HEATR5B: variants seen among roughly 807,000 people sequenced by gnomAD.
HEATR5B encodes the protein HEAT repeat containing 5B.
In HEATR5B, 156 loss-of-function variants were observed where a neutral mutation model predicts 224.1. The observed-to-expected ratio is 0.70, with a 90% confidence interval of 0.61 to 0.80. The LOEUF is 0.80. HEATR5B is among the 30% of genes least tolerant of loss of function. The probability of loss-of-function intolerance (pLI) is 0.00; values close to 1 mark genes in which losing one functional copy is unlikely to be tolerated. For missense variants in HEATR5B, 2,323 were observed against 2,535.5 expected (o/e 0.92, Z 1.80); for synonymous variants, 1,027 against 893.0 (o/e 1.15, Z -2.68).
chr2:37,047,035 C>CAAA (rs57343074), intron 18 of HEATR5B, among the ~76,000 whole-genome samples: 840 of 43,228 alleles, frequency 0.019, 3 homozygotes, highest in Middle Eastern at 0.074. Context: ...GACTCCACCT[C>CAAA]AAAAAAAAAA....
intron 35 of HEATR5B, among the ~76,000 whole-genome samples, chr2:36,983,924 C>T (rs1200944817): frequency 4.6e-5 from 7 of 151,172 alleles, no homozygotes; most frequent in Non-Finnish European, 7.4e-5. Flanking sequence ...GGAGGCCGGA[C>T]GCAGTGGCTC....
chr2:36,994,258 T>C (rs943022268), intron 33 of HEATR5B, among the ~76,000 whole-genome samples: 7 of 152,218 alleles, frequency 4.6e-5, no homozygotes, highest in African/African-American at 1.7e-4. Context: ...TATGTTATTC[T>C]TGCAACGTTT....
intron 17 of HEATR5B, 129 bp downstream of exon 17, chr2:37,053,373 T>A (rs1334243360): frequency 2.3e-6 from 1 of 432,502 alleles, no homozygotes; most frequent in Non-Finnish European, 4.2e-6. Context: ...GTAATTTAAC[T>A]AAGCTAACGT....
At chr2:36,983,077 C>T (rs968956832) in intron 35 of HEATR5B, among the ~76,000 whole-genome samples, 3 of 152,158 alleles carry the variant, frequency 2.0e-5, no homozygotes, top group African/African-American at 7.2e-5. Flanking sequence ...AATAAACATA[C>T]ATACTCTTTC....
At position 37,032,610 on chromosome 2, in the gene HEATR5B, G is replaced by T; in HGVS notation, c.3361+19C>A. 2 of 1,593,628 alleles carry T rather than the reference G, an allele frequency of 1.3e-6. No individual in the cohort carries two copies. Among genetic ancestry groups the T allele is most frequent in the South Asian group, 2.3e-5 (2 of 87,334 alleles). ...AAGTAGTTAAACAAAAAACAATATT[G>T]ACCAATAATATAACTTACTGGCACT... On this transcript the variant is annotated intron_variant, in intron 22 of 35. Coordinates refer to ENST00000233099, the MANE Select transcript of HEATR5B (RefSeq NM_019024.3).
intron 27 of HEATR5B, among the ~76,000 whole-genome samples, chr2:37,009,449 T>C (rs1667650955): frequency 6.6e-6 from 1 of 151,748 alleles, no homozygotes; most frequent in African/African-American, 2.4e-5. Flanking sequence ...TGGTGGCACA[T>C]GCCTGTAGCC....
At chr2:37,021,886 CAA>C (rs3080799) in intron 24 of HEATR5B, among the ~76,000 whole-genome samples, 4,642 of 126,490 alleles carry the variant, frequency 0.037, 209 homozygotes, top group African/African-American at 0.12. Flanking sequence ...GACCCTGTTT[CAA>C]AAAAAAAAAA....
intron 33 of HEATR5B, among the ~76,000 whole-genome samples, chr2:36,994,215 G>C (rs1420471937): frequency 6.6e-6 from 1 of 152,138 alleles, no homozygotes; most frequent in Non-Finnish European, 1.5e-5. Flanking sequence ...TTGACAACTG[G>C]TGAATCTAGG....
Position 37,000,739 on chromosome 2 carries a change from C to G in HEATR5B, c.5392G>C (p.Asp1798His). 2.5e-6 allele frequency: 4 copies of G among 1,614,180 alleles called. No homozygotes were observed. In the East Asian group the frequency reaches 8.9e-5, roughly 36 times the overall value. Residue 1798 changes from aspartate (D) to histidine (H), a missense_variant, in exon 33 of 36, where the codon GAT (aspartate) becomes CAT (histidine). This residue lies in a region of HEATR5B where 844 missense variants were observed against 812.9 expected (regional missense o/e 1.04). Coordinates refer to ENST00000233099, the MANE Select transcript of HEATR5B (RefSeq NM_019024.3). ...CTGACTGGTGGAGGAACCTGATTAT[C>G]TGCAGACTTTATTGCTGTGTCTTTC... Reference protein sequence around the residue: ...ILKDTAIKSADNQVPPPVSAA... With the variant: ...ILKDTAIKSAHNQVPPPVSAA...
At chr2:37,002,200 TGAGA>T in intron 32 of HEATR5B, 102 bp downstream of exon 32, 2 of 1,224,800 alleles carry the variant, frequency 1.6e-6, no homozygotes, top group African/African-American at 1.5e-5. Context: ...ATTTTTCACT[TGAGA>T]TTTAAGAGGA....
In HEATR5B at chr2:36,990,784, G is replaced by A. The variant is rs1242896409; in HGVS notation, c.5561C>T (p.Thr1854Ile). 7 of 1,598,296 alleles carry A rather than the reference G, an allele frequency of 4.4e-6. No homozygotes were observed. Among genetic ancestry groups the A allele is most frequent in the Non-Finnish European group, 6.0e-6 (7 of 1,172,514 alleles). The stretch of plus-strand genomic sequence containing the variant: ...TGTTAGCATGCTTACTTCATCAGGT[G>A]TAGGTACAGAGTCTTCTGAAAATGA... ...EYSQPEDSVPTPDEVSMLTAI... is the reference protein window; with the variant it reads ...EYSQPEDSVPIPDEVSMLTAI... Residue 1854 changes from threonine (T) to isoleucine (I), a missense_variant, in exon 34 of 36, where the codon ACA becomes ATA. Physicochemically the swap from Thr to Ile is moderately conservative, Grantham distance 89. Transcript: ENST00000233099.
chr2:36,992,492 G>A (rs1474102966), intron 33 of HEATR5B, among the ~76,000 whole-genome samples: 1 of 151,560 alleles, frequency 6.6e-6, no homozygotes, highest in Admixed American at 6.6e-5. Flanking sequence ...GAGGCAGGAG[G>A]ATCACTTTAG....
chr2:37,007,375 G>T, intron 28 of HEATR5B, 71 bp from the exon 29 acceptor site: 1 of 1,401,636 alleles, frequency 7.1e-7, no homozygotes, highest in Non-Finnish European at 9.2e-7. Context: ...ACCAAGTCTC[G>T]TTCTGTCGCC....
intron 21 of HEATR5B, among the ~76,000 whole-genome samples, chr2:37,037,145 G>GAGATAGATATATAT: frequency 1.1e-5 from 1 of 89,140 alleles, no homozygotes; most frequent in African/African-American, 3.8e-5. Flanking sequence ...CTAAAAATGT[G>GAGATAGATATATAT]ATATATATAT....
intron 24 of HEATR5B, among the ~76,000 whole-genome samples, chr2:37,024,913 T>G (rs1349773310): frequency 6.6e-6 from 1 of 152,178 alleles, no homozygotes; most frequent in Non-Finnish European, 1.5e-5. Flanking sequence ...GTCTTTTTTC[T>G]AAATCCTAGG....
chr2:37,063,480 A>G (rs1338596100), intron 10 of HEATR5B, among the ~76,000 whole-genome samples: 1 of 152,190 alleles, frequency 6.6e-6, no homozygotes, highest in Non-Finnish European at 1.5e-5. Context: ...GGTAGTCCCT[A>G]AGGGTCTCTG....
intron 14 of HEATR5B, 45 bp downstream of exon 14, chr2:37,058,406 T>C (rs759450623): frequency 2.0e-5 from 23 of 1,131,412 alleles, no homozygotes; most frequent in Non-Finnish European, 2.6e-5. Context: ...CGGTGAAGAA[T>C]TGTAAAGAAA....
Position 37,075,513 on chromosome 2 carries a change from G to C in HEATR5B, c.569C>G (p.Ser190Ter), listed in dbSNP as rs1273934179. Residue 190 changes from serine (S) to a stop codon, truncating the protein, a stop_gained, in exon 5 of 36, where the codon TCA becomes TGA. Coordinates refer to ENST00000233099, the MANE Select transcript of HEATR5B (RefSeq NM_019024.3). LOFTEE classifies it high-confidence loss of function. The stretch of plus-strand genomic sequence containing the variant: ...GGCCACTGCACATCGAACAGCCATT[G>C]ACCTATCAGTCAAGAGAGACCTGGC... ...KNARSLLTDRSMAVRCAVAKC... is the reference protein window; with the variant it reads ...KNARSLLTDR The C allele has an allele frequency of 1.2e-6, 2 of 1,613,840 alleles. No individual in the cohort carries two copies. The highest frequency in any genetic ancestry group is 1.7e-6 in the Non-Finnish European group (2 of 1,179,908).
intron 33 of HEATR5B, among the ~76,000 whole-genome samples, chr2:36,993,127 C>T (rs1666448446): frequency 6.6e-6 from 1 of 152,008 alleles, no homozygotes; most frequent in Admixed American, 6.6e-5. Context: ...GATTCTAGAA[C>T]AGTGAGGGGG....
Sources: allele counts gnomAD v4.1 joint callset (sites outside exome capture counted in the v4.1 genomes callset), GRCh38; gene constraint gnomAD v4.1.1; regional missense constraint gnomAD v4.1.1; transcripts MANE v1.5; gene names NCBI Gene and HGNC (gene_info 2026-07-23, HGNC 2026-07-21).